The following NRP1 variants were observed in gnomAD, a reference collection of about 807,000 sequenced individuals.
NRP1 encodes neuropilin 1, also known as neuropilin-1.
A neutral mutation model predicts 106.7 loss-of-function variants in NRP1; 35 were observed. The observed-to-expected ratio is 0.33, with a 90% CI of 0.25 to 0.43. The LOEUF is 0.43. Among genes scored for constraint, NRP1 ranks in the 20% least tolerant of loss-of-function variants. The pLI is 1.00. For missense variants in NRP1, 1,024 were observed against 1,170.4 expected (o/e 0.87, Z 1.83); for synonymous variants, 437 against 417.9 (o/e 1.05, Z -0.56).
chr10:33,177,580 T>C lies in NRP1; in HGVS notation c.*2496A>G, dbSNP rs968290943. The C allele has an allele frequency of 2.0e-5, 3 of 152,674 alleles. No individual in the cohort carries two copies. Among genetic ancestry groups the C allele is most frequent in the African/African-American group, 7.2e-5 (3 of 41,476 alleles). 9.5% of individuals were successfully genotyped at this position (152,674 alleles called of 1,614,324 possible). A position where few individuals can be genotyped will look rare whatever the true frequency, so the allele number is the denominator to read the frequency against. On this transcript the variant is annotated 3_prime_UTR_variant, in exon 17 of 17. Coordinates refer to ENST00000374867, the MANE Select transcript of NRP1 (RefSeq NM_003873.7). ...GAATTTAAGTTACAGTTCAGTTCTA[T>C]GTGGTTTTTATGCTACTCAGTGTCT...
At chr10:33,210,989 G>A (rs550600112) in intron 9 of NRP1, among the ~76,000 whole-genome samples, 4 of 152,280 alleles carry the variant, frequency 2.6e-5, no homozygotes, top group South Asian at 4.1e-4. Context: ...TGTAAACAAC[G>A]AAGAAGCTTT....
At position 33,310,249 on chromosome 10, in the gene NRP1, T is replaced by C. The variant is rs1479857205; in HGVS notation, c.248+20459A>G. On this transcript the variant is annotated intron_variant, in intron 2 of 16. Coordinates refer to ENST00000374867, the MANE Select transcript of NRP1 (RefSeq NM_003873.7). Reference sequence around the variant, plus strand: ...CAGGCGTGAGCCACTGCGCCCGGCCTTTTTTTTTTTTTTTTTTTCGAGACA... The same window carrying C: ...CAGGCGTGAGCCACTGCGCCCGGCCCTTTTTTTTTTTTTTTTTTCGAGACA... Among the ~76,000 whole-genome samples, 16 of 38,152 alleles carry C rather than the reference T, an allele frequency of 4.2e-4. 1 individual carries two copies. Among genetic ancestry groups the C allele is most frequent in the Non-Finnish European group, 7.2e-4 (11 of 15,258 alleles). The allele number at this position is 38,152 out of a possible 152,430, so 25.0% of individuals were successfully genotyped here.
intron 4 of NRP1, among the ~76,000 whole-genome samples, chr10:33,259,103 C>T (rs1056050770): frequency 6.6e-6 from 1 of 152,180 alleles, no homozygotes; most frequent in African/African-American, 2.4e-5. Flanking sequence ...CTGATCCTCC[C>T]TGCCACTATC....
intron 6 of NRP1, among the ~76,000 whole-genome samples, chr10:33,232,638 CTTTTTT>C (rs71030049): frequency 1.3e-4 from 12 of 94,210 alleles, no homozygotes; most frequent in East Asian, 4.0e-4. Flanking sequence ...TTTTCTTTTC[CTTTTTT>C]TTTTTTTTTT....
At chr10:33,332,927 C>A (rs901439958) in intron 1 of NRP1, among the ~76,000 whole-genome samples, 5 of 151,542 alleles carry the variant, frequency 3.3e-5, no homozygotes, top group African/African-American at 4.9e-5. Flanking sequence ...TAGTTCACAA[C>A]CTAAAGTCTG....
At chr10:33,183,212 G>A (rs571382990) in intron 15 of NRP1, among the ~76,000 whole-genome samples, 20 of 152,110 alleles carry the variant, frequency 1.3e-4, no homozygotes, top group Non-Finnish European at 2.2e-4. Flanking sequence ...AGGCTGAGGC[G>A]GAAGGAGAGC....
At chr10:33,194,633 T>G (rs2474726) in intron 12 of NRP1, 5 of 463,832 alleles carry the variant, frequency 1.1e-5, no homozygotes, top group African/African-American at 2.0e-5. Flanking sequence ...CCGCTCTAAG[T>G]TTTTGTATTT....
At chr10:33,199,717 A>G (rs1296444227) in intron 11 of NRP1, among the ~76,000 whole-genome samples, 1 of 152,124 alleles carries the variant, frequency 6.6e-6, no homozygotes, top group Non-Finnish European at 1.5e-5. Flanking sequence ...TATTGAACCA[A>G]TTCAGGGTAA....
intron 2 of NRP1, among the ~76,000 whole-genome samples, chr10:33,322,487 G>A (rs974490853): frequency 2.6e-5 from 4 of 152,030 alleles, no homozygotes; most frequent in Admixed American, 2.0e-4. Flanking sequence ...TGGCCTAAGC[G>A]ATCTTCCTGC....
chr10:33,187,526 G>A (rs1285157705), intron 13 of NRP1, among the ~76,000 whole-genome samples: 1 of 152,128 alleles, frequency 6.6e-6, no homozygotes, highest in East Asian at 1.9e-4. Flanking sequence ...CCTTGTTGAG[G>A]TTCATTAGAA....
chr10:33,306,116 G>C (rs2132739019), intron 2 of NRP1, among the ~76,000 whole-genome samples: 1 of 152,218 alleles, frequency 6.6e-6, no homozygotes, highest in Admixed American at 6.5e-5. Context: ...ATACATGTAG[G>C]GAAGTGATTG....
At chr10:33,243,213 C>T (rs7920741) in intron 6 of NRP1, among the ~76,000 whole-genome samples, 2,047 of 152,080 alleles carry the variant, frequency 0.013, 36 homozygotes, top group African/African-American at 0.046. Flanking sequence ...CCAACCTGAA[C>T]GATTATTTGA....
intron 4 of NRP1, among the ~76,000 whole-genome samples, chr10:33,257,364 C>T (rs1243086817): frequency 1.3e-5 from 2 of 152,134 alleles, no homozygotes; most frequent in Non-Finnish European, 2.9e-5. Context: ...TGGCTGAGTG[C>T]GGTGGCTCAC....
intron 2 of NRP1, among the ~76,000 whole-genome samples, chr10:33,326,964 A>T (rs554963676): frequency 3.3e-5 from 5 of 152,002 alleles, no homozygotes; most frequent in South Asian, 2.1e-4. Flanking sequence ...TAAATAAAAA[A>T]TTTTTTTTTT....
At chr10:33,262,075 T>C (rs933116418) in intron 4 of NRP1, among the ~76,000 whole-genome samples, 2 of 152,220 alleles carry the variant, frequency 1.3e-5, no homozygotes, top group Non-Finnish European at 2.9e-5. Context: ...TATTTAAATA[T>C]TCTTTTGAGA....
chr10:33,287,870 T>A (rs1488618077), intron 2 of NRP1, among the ~76,000 whole-genome samples: 2 of 152,116 alleles, frequency 1.3e-5, no homozygotes, highest in African/African-American at 4.8e-5. Flanking sequence ...CTGCTGAAGA[T>A]CATTTGAGGA....
intron 2 of NRP1, among the ~76,000 whole-genome samples, chr10:33,304,263 C>T (rs915822149): frequency 6.6e-6 from 1 of 152,136 alleles, no homozygotes; most frequent in African/African-American, 2.4e-5. Context: ...ATTGACTTTT[C>T]TTTCTTTGAA....
intron 9 of NRP1, among the ~76,000 whole-genome samples, chr10:33,208,702 C>T (rs1165372796): frequency 6.6e-6 from 1 of 152,042 alleles, no homozygotes; most frequent in East Asian, 1.9e-4. Context: ...AGGCATTGTT[C>T]TAACTGCTTA....
At chr10:33,210,721 G>A (rs1053717177) in intron 9 of NRP1, among the ~76,000 whole-genome samples, 5 of 152,158 alleles carry the variant, frequency 3.3e-5, no homozygotes, top group Non-Finnish European at 7.3e-5. Context: ...TGAGGAAAGG[G>A]CATTGAAAAT....
Sources: gnomAD v4.1 joint callset for allele counts (sites outside exome capture counted in the v4.1 genomes callset) on GRCh38, gnomAD v4.1.1 for gene constraint, MANE v1.5 for transcripts, NCBI Gene and HGNC (gene_info 2026-07-23, HGNC 2026-07-21) for gene names.